COL28A1: variants seen among roughly 807,000 people sequenced by gnomAD.
The protein encoded by COL28A1 is collagen type XXVIII alpha 1 chain, also known as collagen alpha-1(XXVIII) chain.
In COL28A1, 161 loss-of-function variants were observed where a neutral mutation model predicts 150.2. The ratio of observed to expected loss-of-function variants is 1.07; its 90% CI spans 0.94 to 1.22. The LOEUF (loss-of-function observed/expected upper bound fraction) is 1.22, where lower values mean the gene tolerates loss of function less well. Ranked by LOEUF, COL28A1 falls within the 50% of genes most tolerant of loss-of-function variation. COL28A1 has a pLI of 0.00. For missense variants in COL28A1, 1,617 were observed against 1,388.3 expected (o/e 1.16, Z -2.62); for synonymous variants, 552 against 469.7 (o/e 1.18, Z -2.26).
chr7:7,374,089 TAATA>T (rs1255926683), intron 31 of COL28A1, among the ~76,000 whole-genome samples: 2 of 143,820 alleles, frequency 1.4e-5, no homozygotes, highest in African/African-American at 2.6e-5. Context: ...GTTGATAAAA[TAATA>T]AATACTTATG....
chr7:7,411,625 T>C (rs1193871460), intron 27 of COL28A1, among the ~76,000 whole-genome samples: 1 of 152,146 alleles, frequency 6.6e-6, no homozygotes, highest in Non-Finnish European at 1.5e-5. Context: ...GTGTCCCTCA[T>C]TCTCTGGCCC....
chr7:7,397,219 T>A (rs1055678096), intron 27 of COL28A1, among the ~76,000 whole-genome samples: 1 of 152,170 alleles, frequency 6.6e-6, no homozygotes, highest in African/African-American at 2.4e-5. Context: ...TTTCAGCTGC[T>A]GGTGGCCACC....
At chr7:7,445,210 G>T (rs1460537948) in intron 18 of COL28A1, among the ~76,000 whole-genome samples, 1 of 152,164 alleles carries the variant, frequency 6.6e-6, no homozygotes, top group African/African-American at 2.4e-5. Context: ...TTAAAGCAAT[G>T]AGAGAATGGA....
the COL28A1 span, among the ~76,000 whole-genome samples, chr7:7,338,483 G>A: frequency 3.9e-4 from 60 of 151,918 alleles, no homozygotes; most frequent in African/African-American, 1.3e-3. Flanking sequence ...TCTTGATTTG[G>A]CTCTCAGCTT....
rs565547308 is a variant in COL28A1 at position 7,459,526 on chromosome 7, G to T, written c.1303-3414C>A. On this transcript the variant is annotated intron_variant, in intron 15 of 34. Coordinates refer to ENST00000399429, the MANE Select transcript of COL28A1 (RefSeq NM_001037763.3). Reference sequence around the variant, plus strand: ...ATACAATATAATTATCTGCTTAAAGGCTGATATATAAATGACTCCAAATTG... The same window carrying T: ...ATACAATATAATTATCTGCTTAAAGTCTGATATATAAATGACTCCAAATTG... 7.9e-5 allele frequency among the ~76,000 whole-genome samples: 12 copies of T among 152,178 alleles called. No homozygotes were observed. In the East Asian group the frequency reaches 2.1e-3, roughly 27 times the overall value.
chr7:7,491,979 C>T (rs751997825), intron 11 of COL28A1, among the ~76,000 whole-genome samples: 13 of 152,124 alleles, frequency 8.5e-5, no homozygotes, highest in Non-Finnish European at 1.8e-4. Flanking sequence ...CAGTTTTTTA[C>T]ATTCACACGT....
At chr7:7,455,956 T>G in intron 16 of COL28A1, 88 bp downstream of exon 16, 1 of 1,553,476 alleles carries the variant, frequency 6.4e-7, no homozygotes, top group South Asian at 1.2e-5. Flanking sequence ...AATATACTCA[T>G]AGATGTTTGC....
intron 13 of COL28A1, among the ~76,000 whole-genome samples, chr7:7,481,058 A>G (rs1418870520): frequency 1.3e-5 from 2 of 152,238 alleles, no homozygotes; most frequent in Non-Finnish European, 2.9e-5. Context: ...TGTAATTGCT[A>G]AGAATGTCCT....
chr7:7,338,887 G>A, the COL28A1 span, among the ~76,000 whole-genome samples: 1 of 152,084 alleles, frequency 6.6e-6, no homozygotes, highest in Admixed American at 6.6e-5. Context: ...AAGAGATATT[G>A]CAGACTTCTG....
intron 4 of COL28A1, among the ~76,000 whole-genome samples, chr7:7,522,310 A>C (rs919075043): frequency 6.6e-6 from 1 of 152,234 alleles, no homozygotes; most frequent in African/African-American, 2.4e-5. Flanking sequence ...AAATATTTTC[A>C]GTGGACTTTT....
intron 3 of COL28A1, 105 bp from the exon 4 acceptor site, chr7:7,524,354 A>G: frequency 2.7e-6 from 2 of 751,044 alleles, no homozygotes; most frequent in South Asian, 1.7e-5. Flanking sequence ...TCCACAAAGA[A>G]TAGCAATTCA....
At chr7:7,401,046 CA>C (rs1324200820) in intron 27 of COL28A1, among the ~76,000 whole-genome samples, 1 of 135,118 alleles carries the variant, frequency 7.4e-6, no homozygotes, top group Non-Finnish European at 1.5e-5. Flanking sequence ...TGAAAGTCAC[CA>C]ATGACTTCCA....
In COL28A1 at chr7:7,380,818, T is replaced by A; in HGVS notation, c.2250A>T (p.Lys750Asn). Residue 750 changes from lysine to asparagine, a missense_variant, in exon 29 of 35, where the codon AAA becomes AAT. Physicochemically the swap from Lys to Asn is moderately conservative, Grantham distance 94. Transcript: ENST00000399429. ...GAGATCCAGGCTCTCCAATTTCTCCTTTATCACCTTTCTTTCCCACATCGC... is the reference window on the plus strand; with the variant it reads ...GAGATCCAGGCTCTCCAATTTCTCCATTATCACCTTTCTTTCCCACATCGC... ...ERGDVGKKGD[K>N]GEIGEPGSPG... 1 of 1,613,996 alleles carries A rather than the reference T, an allele frequency of 6.2e-7. No homozygotes were observed. The highest frequency in any genetic ancestry group is 8.5e-7 in the Non-Finnish European group (1 of 1,179,908).
At chr7:7,421,802 C>G (rs917575997) in intron 25 of COL28A1, among the ~76,000 whole-genome samples, 2 of 152,142 alleles carry the variant, frequency 1.3e-5, no homozygotes, top group African/African-American at 4.8e-5. Context: ...ATTTTGCTTA[C>G]AGACCACTTT....
rs78238635 is a variant in COL28A1 at position 7,443,772 on chromosome 7, T to C, written c.1582-119A>G. On this transcript the variant is annotated intron_variant, in intron 19 of 34. Transcript: ENST00000399429. ...AGCTGAGACTCTCCAAAACACACCA[T>C]ACCTTCACTCTAGTCTCAAAATCAA... The C allele has an allele frequency of 6.5e-3, 8,971 of 1,372,308 alleles. 245 individuals are homozygous for C. The African/African-American group carries it at 0.075, about 12-fold the overall frequency. 85.0% of individuals were successfully genotyped at this position (1,372,308 alleles called of 1,614,324 possible).
intron 27 of COL28A1, among the ~76,000 whole-genome samples, chr7:7,400,166 C>T (rs572121652): frequency 6.6e-6 from 1 of 152,172 alleles, no homozygotes; most frequent in African/African-American, 2.4e-5. Context: ...TAAACAGTGG[C>T]CCCTAGATAT....
the COL28A1 span, among the ~76,000 whole-genome samples, chr7:7,543,347 C>A: frequency 6.6e-6 from 1 of 152,176 alleles, no homozygotes; most frequent in South Asian, 2.1e-4. Flanking sequence ...AACTTTGTAG[C>A]TGAATAATAT....
chr7:7,359,920 T>C (rs1780555302), intron 34 of COL28A1, among the ~76,000 whole-genome samples: 1 of 152,198 alleles, frequency 6.6e-6, no homozygotes, highest in African/African-American at 2.4e-5. Flanking sequence ...GCAGAAAATA[T>C]GTACATAATA....
chr7:7,488,033 A>C (rs1360460291), intron 13 of COL28A1, among the ~76,000 whole-genome samples: 1 of 152,184 alleles, frequency 6.6e-6, no homozygotes, highest in East Asian at 1.9e-4. Flanking sequence ...TTAACATTGC[A>C]GCCATTTTAG....
Sources: allele counts gnomAD v4.1 joint callset (sites outside exome capture counted in the v4.1 genomes callset), GRCh38; gene constraint gnomAD v4.1.1; transcripts MANE v1.5; gene names NCBI Gene and HGNC (gene_info 2026-07-23, HGNC 2026-07-21).